The following PLAGL1 variants were observed in gnomAD, a reference collection of about 807,000 sequenced individuals.
PLAGL1 encodes the protein PLAG1 like zinc finger 1.
PLAGL1 carries 1 observed loss-of-function variant against 4.6 expected under a neutral mutation model. The observed-to-expected ratio is 0.22, with a 90% CI of 0.08 to 1.03. The LOEUF (loss-of-function observed/expected upper bound fraction) is 1.03. PLAGL1 is among the 50% of genes least tolerant of loss of function. The pLI, the probability that PLAGL1 is intolerant of heterozygous loss-of-function variation, is 0.58. For synonymous variants in PLAGL1, 240 were observed against 237.8 expected (o/e 1.01, Z -0.08); for missense variants, 464 against 570.4 (o/e 0.81, Z 1.90).
chr6:144,027,234 C>CGAACGAAA lies in PLAGL1; in HGVS notation c.-151+37233_-151+37234insTTTCGTTC, dbSNP rs1263928332. Among the ~76,000 whole-genome samples the CGAACGAAA allele has an allele frequency of 3.6e-3, 405 of 111,600 alleles. 4 individuals carry two copies. The highest frequency in any genetic ancestry group is 0.022 in the East Asian group (91 of 4,212). The allele number at this position is 111,600 out of a possible 152,430, so 73.2% of individuals were successfully genotyped here. A position where few individuals can be genotyped will look rare whatever the true frequency, so the allele number is the denominator to read the frequency against. ...GAAAGACCCCAACTCAAAGAACGAACGAAAGAAAGAAAGAAAGAAAGAAAG... is the reference window on the plus strand; with the variant it reads ...GAAAGACCCCAACTCAAAGAACGAACGAACGAAAGAAAGAAAGAAAGAAAGAAAGAAAG... On this transcript the variant is annotated intron_variant, in intron 1 of 3. Coordinates refer to the PLAGL1 transcript ENST00000437412. This position sits in a 1 kb window ranked among gnomAD's most constrained non-coding sequence, Gnocchi z 5.8.
chr6:144,004,221 ACC>A lies in PLAGL1; in HGVS notation c.-584+3867_-584+3868del, dbSNP rs1209478568. Among the ~76,000 whole-genome samples the A allele has an allele frequency of 1.2e-4, 18 of 151,358 alleles. No individual in the cohort carries two copies. Among genetic ancestry groups the A allele is most frequent in the Admixed American group, 7.9e-4 (12 of 15,212 alleles). On this transcript the variant is annotated intron_variant, in intron 1 of 7. Coordinates refer to ENST00000674357, the MANE Select transcript of PLAGL1 (RefSeq NM_001317162.2). The surrounding 1 kb of genome is among the most constrained non-coding windows in gnomAD (Gnocchi z 4.2). ...TTTAAGATGGGGTCATCTCACTGTC[ACC>A]CAGGCTGCAGTGCAGTGGCATGATC...
In PLAGL1 at chr6:144,006,491, C is replaced by T. The variant is rs1794213287; in HGVS notation, c.-584+1599G>A. On this transcript the variant is annotated intron_variant, in intron 1 of 7. Transcript: ENST00000674357. The surrounding 1 kb of genome is among the most constrained non-coding windows in gnomAD (Gnocchi z 4.3). ...TTTTTTTCTTTACTACTTTTAATGCCTATACATGCATCCCTAAACAACAGC... is the reference window on the plus strand; with the variant it reads ...TTTTTTTCTTTACTACTTTTAATGCTTATACATGCATCCCTAAACAACAGC... The T allele has an allele frequency of 6.6e-6, 1 of 152,154 alleles. No homozygotes were observed. Among genetic ancestry groups the T allele is most frequent in the Admixed American group, 6.5e-5 (1 of 15,270 alleles). The allele number at this position is 152,154 out of a possible 1,614,324, so 9.4% of individuals were successfully genotyped here.
chr6:143,946,715 T>C (rs1583063551), intron 7 of PLAGL1, among the ~76,000 whole-genome samples: 1 of 152,252 alleles, frequency 6.6e-6, no homozygotes, highest in Non-Finnish European at 1.5e-5. Flanking sequence ...ACCAGTCAGA[T>C]GGAAAATCTC....
intron 1 of PLAGL1, among the ~76,000 whole-genome samples, chr6:143,991,238 A>G (rs573009805): frequency 2.0e-5 from 3 of 152,336 alleles, no homozygotes; most frequent in Admixed American, 6.5e-5. Flanking sequence ...TTAATTTACC[A>G]TACATCTAAA....
Position 143,983,684 on chromosome 6 carries a change from A to G in PLAGL1, c.-544+1451T>C, listed in dbSNP as rs1050234545. Among the ~76,000 whole-genome samples, 1 of 152,118 alleles carries G rather than the reference A, an allele frequency of 6.6e-6. No individual in the cohort carries two copies. Among genetic ancestry groups the G allele is most frequent in the African/African-American group, 2.4e-5 (1 of 41,430 alleles). ...AGTGATTTTAATGAGAGGGTAGGCT[A>G]TTGACGTTGAGTAAGGGAGGATGTG... On this transcript the variant is annotated intron_variant, in intron 2 of 7. Transcript: ENST00000674357. This position sits in a 1 kb window ranked among gnomAD's most constrained non-coding sequence, Gnocchi z 6.6.
At chr6:144,014,032 AT>A (rs1250166751) in intron 1 of PLAGL1, among the ~76,000 whole-genome samples, 1 of 152,218 alleles carries the variant, frequency 6.6e-6, no homozygotes, top group Non-Finnish European at 1.5e-5. Flanking sequence ...TTATATGGAA[AT>A]GAAAAGAACC....
chr6:144,037,794 C>T (rs1430851428), intron 1 of PLAGL1: 1 of 152,118 alleles, frequency 6.6e-6, no homozygotes, highest in Non-Finnish European at 1.5e-5. Context: ...CAAACTACTG[C>T]TTTTGATGTT....
At chr6:144,021,204 CAT>C (rs1795955976) in intron 1 of PLAGL1, among the ~76,000 whole-genome samples, 1 of 152,054 alleles carries the variant, frequency 6.6e-6, no homozygotes, top group South Asian at 2.1e-4. Context: ...AAGTTCATAA[CAT>C]ATTATACTTG....
chr6:143,946,119 A>G (rs1212392876), intron 7 of PLAGL1, among the ~76,000 whole-genome samples: 2 of 152,232 alleles, frequency 1.3e-5, no homozygotes, highest in Non-Finnish European at 2.9e-5. Flanking sequence ...TGTGGACCAC[A>G]TGTGTATGAA....
chr6:143,943,807 T>A (rs1336728147), intron 7 of PLAGL1, among the ~76,000 whole-genome samples: 2 of 152,224 alleles, frequency 1.3e-5, no homozygotes, highest in African/African-American at 4.8e-5. Flanking sequence ...ATAGCTCTTT[T>A]ATATTTGTGA....
At position 143,947,163 on chromosome 6, in the gene PLAGL1, C is replaced by T. The variant is rs892192772; in HGVS notation, c.152+822G>A. Among the ~76,000 whole-genome samples, 1 of 152,210 alleles carries T rather than the reference C, an allele frequency of 6.6e-6. No homozygotes were observed. The highest frequency in any genetic ancestry group is 2.4e-5 in the African/African-American group (1 of 41,450). On this transcript the variant is annotated intron_variant, in intron 7 of 7. Coordinates refer to ENST00000674357, the MANE Select transcript of PLAGL1 (RefSeq NM_001317162.2). The surrounding 1 kb of genome is among the most constrained non-coding windows in gnomAD (Gnocchi z 4.3). ...GTGCCTTTAAAACTGATCAAATGCA[C>T]ATGCTGCTCATCTGCATACCCACCT...
chr6:144,020,274 CTTGT>C (rs111353071), intron 1 of PLAGL1, among the ~76,000 whole-genome samples: 2,616 of 151,672 alleles, frequency 0.017, 90 homozygotes, highest in East Asian at 0.14. Flanking sequence ...TGGACACTTC[CTTGT>C]TTGTTTGTTT....
chr6:143,993,173 G>A (rs954359992), intron 1 of PLAGL1, among the ~76,000 whole-genome samples: 1 of 151,772 alleles, frequency 6.6e-6, no homozygotes, highest in Admixed American at 6.6e-5. Flanking sequence ...TGGGTGTGGT[G>A]GGTGCCTGTA....
At chr6:144,032,264 G>A (rs1407038269) in intron 1 of PLAGL1, among the ~76,000 whole-genome samples, 1 of 149,440 alleles carries the variant, frequency 6.7e-6, no homozygotes, top group Admixed American at 6.7e-5. Flanking sequence ...GAGACTCCAG[G>A]CATGTGCCAC....
chr6:144,010,357 C>T (rs372843791), upstream of PLAGL1, among the ~76,000 whole-genome samples: 5 of 151,970 alleles, frequency 3.3e-5, no homozygotes, highest in South Asian at 6.2e-4. The surrounding 1 kb of genome is among the most constrained non-coding windows in gnomAD (Gnocchi z 4.1). Flanking sequence ...TTCACAATGG[C>T]GACAAAGAGA....
intron 6 of PLAGL1, among the ~76,000 whole-genome samples, chr6:143,951,201 TG>T (rs1472151325): frequency 4.6e-5 from 7 of 152,188 alleles, no homozygotes; most frequent in Non-Finnish European, 1.0e-4. Context: ...TGAGACAAAA[TG>T]GATCTGAAAG....
At chr6:143,946,014 T>A (rs924825527) in intron 7 of PLAGL1, among the ~76,000 whole-genome samples, 1 of 151,544 alleles carries the variant, frequency 6.6e-6, no homozygotes, top group African/African-American at 2.4e-5. Flanking sequence ...TTCAGCGCAG[T>A]TTACCATAGT....
At position 144,053,372 on chromosome 6, in the gene PLAGL1, T is replaced by TCAGGC. The variant is rs1562615704; in HGVS notation, c.-151+11095_-151+11096insGCCTG. 6.6e-6 allele frequency among the ~76,000 whole-genome samples: 1 copy of TCAGGC among 152,008 alleles called. No individual in the cohort carries two copies. The highest frequency in any genetic ancestry group is 1.5e-5 in the Non-Finnish European group (1 of 68,008). On this transcript the variant is annotated intron_variant, in intron 1 of 3. Coordinates refer to the PLAGL1 transcript ENST00000437412. This position sits in a 1 kb window ranked among gnomAD's most constrained non-coding sequence, Gnocchi z 4.0. The stretch of plus-strand genomic sequence containing the variant: ...CTGGTCTGAAACTCCTGACCTCAGG[T>TCAGGC]GATCAGCCACGATGGCCTCCCAAAT...
In PLAGL1 at chr6:143,990,610, G is replaced by T. The variant is rs945345284; in HGVS notation, c.-583-5436C>A. Reference sequence around the variant, plus strand: ...CACTCTATCAAAAGATCTTTATCAAGGTCATCAAAGCAATTCTTATTATCC... The same window carrying T: ...CACTCTATCAAAAGATCTTTATCAATGTCATCAAAGCAATTCTTATTATCC... On this transcript the variant is annotated intron_variant, in intron 1 of 7. Transcript: ENST00000674357. This position sits in a 1 kb window ranked among gnomAD's most constrained non-coding sequence, Gnocchi z 5.4. 3.3e-5 allele frequency among the ~76,000 whole-genome samples: 5 copies of T among 152,190 alleles called. No individual in the cohort carries two copies. In the East Asian group the frequency reaches 9.7e-4, roughly 29 times the overall value.
Sources: allele counts gnomAD v4.1 joint callset (sites outside exome capture counted in the v4.1 genomes callset), GRCh38; gene constraint gnomAD v4.1.1; non-coding constraint Gnocchi (gnomAD v3.1); transcripts MANE v1.5; gene names NCBI Gene and HGNC (gene_info 2026-07-23, HGNC 2026-07-21).